Variants in NRXN1 observed in about 807,000 individuals in gnomAD.
The protein encoded by NRXN1 is neurexin-1.
Under a neutral mutation model 150.9 loss-of-function variants are expected in NRXN1, and 39 were observed. That is an observed-to-expected ratio of 0.26 (90% confidence interval 0.20 to 0.34). The LOEUF (loss-of-function observed/expected upper bound fraction) is 0.34, where lower values mean the gene tolerates loss of function less well. NRXN1 is among the 10% of genes least tolerant of loss of function. NRXN1 has a pLI of 1.00. For synonymous variants in NRXN1, 924 were observed against 757.0 expected (o/e 1.22, Z -3.62); for missense variants, 1,815 against 1,949.9 (o/e 0.93, Z 1.30).
chr2:50,103,310 G>C (rs1701208427), intron 18 of NRXN1, among the ~76,000 whole-genome samples: 1 of 151,972 alleles, frequency 6.6e-6, no homozygotes, highest in African/African-American at 2.4e-5. Context: ...TTTATCTCAA[G>C]ATGTAGTAAA....
intron 19 of NRXN1, among the ~76,000 whole-genome samples, chr2:50,070,767 C>T: frequency 1.7e-5 from 1 of 60,336 alleles, no homozygotes; most frequent in East Asian, 4.3e-4. Flanking sequence ...GAGACTCCGT[C>T]TCAAAAAAAA....
intron 5 of NRXN1, among the ~76,000 whole-genome samples, chr2:50,845,961 C>T: frequency 6.6e-6 from 1 of 152,182 alleles, no homozygotes; most frequent in Middle Eastern, 3.2e-3. Context: ...TTGCAATCAA[C>T]TGCTAATAGC....
chr2:50,977,389 A>G (rs1295874799), intron 2 of NRXN1, among the ~76,000 whole-genome samples: 2 of 151,888 alleles, frequency 1.3e-5, no homozygotes, highest in African/African-American at 4.8e-5. Context: ...ATAATTTTAC[A>G]TATGACTGGC....
Position 50,236,803 on chromosome 2 carries a change from G to A in NRXN1, c.3532C>T (p.Leu1178=). The A allele has an allele frequency of 6.2e-7, 1 of 1,613,002 alleles. No individual in the cohort carries two copies. The highest frequency in any genetic ancestry group is 8.5e-7 in the Non-Finnish European group (1 of 1,179,464). The change falls in exon 18 of 23, where the codon CTA becomes TTA. Residue 1178 remains leucine (L), a synonymous_variant. Transcript: ENST00000401669. ...VDSSSGLGDY[L]ELHIHQGKIG... ...AAAGTACTTACTATATGCAGTTCTAGGTAGTCACCCAAGCCTGAAGAACTG... is the reference window on the plus strand; with the variant it reads ...AAAGTACTTACTATATGCAGTTCTAAGTAGTCACCCAAGCCTGAAGAACTG...
chr2:50,183,973 G>T (rs1358321300), intron 18 of NRXN1, among the ~76,000 whole-genome samples: 1 of 151,846 alleles, frequency 6.6e-6, no homozygotes, highest in Non-Finnish European at 1.5e-5. Context: ...AAGTACATTC[G>T]CACTGATGTA....
chr2:51,017,004 A>G (rs1668764051), intron 2 of NRXN1, among the ~76,000 whole-genome samples: 1 of 152,080 alleles, frequency 6.6e-6, no homozygotes, highest in Admixed American at 6.5e-5. Context: ...TAACACAGGA[A>G]CAGAAAACCA....
intron 2 of NRXN1, among the ~76,000 whole-genome samples, chr2:50,926,254 C>T (rs1233073577): frequency 6.6e-6 from 1 of 151,890 alleles, no homozygotes; most frequent in Non-Finnish European, 1.5e-5. Flanking sequence ...TTACATGTTG[C>T]TGGTGTGGTC....
chr2:50,860,376 G>A (rs992335887), intron 5 of NRXN1, among the ~76,000 whole-genome samples: 2 of 152,028 alleles, frequency 1.3e-5, no homozygotes, highest in Admixed American at 1.3e-4. Flanking sequence ...ATAGAAATCA[G>A]AGATTATATA....
At chr2:49,951,123 A>G (rs1422312420) in intron 21 of NRXN1, among the ~76,000 whole-genome samples, 4 of 151,918 alleles carry the variant, frequency 2.6e-5, no homozygotes, top group African/African-American at 9.7e-5. Flanking sequence ...TACATTTGAT[A>G]CTGGTTCTCC....
chr2:50,216,098 G>A (rs543281267), intron 18 of NRXN1, among the ~76,000 whole-genome samples: 25 of 152,146 alleles, frequency 1.6e-4, no homozygotes, highest in Admixed American at 9.2e-4. Flanking sequence ...GCTCATGTCT[G>A]TAATCCTAAC....
At chr2:50,838,320 G>C (rs1431455707) in intron 5 of NRXN1, among the ~76,000 whole-genome samples, 2 of 152,116 alleles carry the variant, frequency 1.3e-5, no homozygotes, top group Non-Finnish European at 2.9e-5. Context: ...AAAAAATTGA[G>C]AGAACAGAGA....
At chr2:50,810,447 A>G (rs1409275132) in intron 5 of NRXN1, among the ~76,000 whole-genome samples, 1 of 152,174 alleles carries the variant, frequency 6.6e-6, no homozygotes, top group African/African-American at 2.4e-5. Context: ...TCTTTTAAAG[A>G]GCCAACACCT....
intron 5 of NRXN1, chr2:50,916,770 G>A (rs1685268075): frequency 1.3e-5 from 2 of 151,574 alleles, no homozygotes; most frequent in Non-Finnish European, 3.0e-5. Context: ...ATTGTTTAAG[G>A]AATGTATAAT....
At position 50,322,322 on chromosome 2, in the gene NRXN1, G is replaced by C. The variant is rs558655301; in HGVS notation, c.3365-85352C>G. Among the ~76,000 whole-genome samples, 15 of 152,312 alleles carry C rather than the reference G, an allele frequency of 9.8e-5. No homozygotes were observed. In the East Asian group the frequency reaches 2.3e-3, roughly 24 times the overall value. On this transcript the variant is annotated intron_variant, in intron 17 of 22. Coordinates refer to ENST00000401669, the MANE Select transcript of NRXN1 (RefSeq NM_001330078.2). ...AATACTTCGTGATTGGAAGAGTGCT[G>C]TTGTGGGGTATGAGCAAGCTGGTTG...
intron 2 of NRXN1, among the ~76,000 whole-genome samples, chr2:51,019,153 T>A (rs1669200154): frequency 6.6e-6 from 1 of 152,034 alleles, no homozygotes; most frequent in Non-Finnish European, 1.5e-5. Flanking sequence ...ATATACAAGT[T>A]GTGTCATACA....
chr2:50,928,000 C>A (rs114875763), intron 2 of NRXN1, among the ~76,000 whole-genome samples: 1 of 151,928 alleles, frequency 6.6e-6, no homozygotes, highest in Non-Finnish European at 1.5e-5. Flanking sequence ...TCAGTCCTGA[C>A]GGCAAGTTCT....
Position 50,668,226 on chromosome 2 carries a change from T to C in NRXN1, c.833-44611A>G, listed in dbSNP as rs193083312. ...TTCACAGATCATACACTATATGATA[T>C]GTGGGACAATAAAATAAAATAGTGA... On this transcript the variant is annotated intron_variant, in intron 5 of 22. Coordinates refer to ENST00000401669, the MANE Select transcript of NRXN1 (RefSeq NM_001330078.2). Among the ~76,000 whole-genome samples the C allele has an allele frequency of 2.1e-4, 32 of 152,102 alleles. No homozygotes were observed. In the East Asian group the frequency reaches 5.3e-3, roughly 25 times the overall value.
intron 8 of NRXN1, among the ~76,000 whole-genome samples, chr2:50,592,670 C>G (rs1312371312): frequency 6.6e-6 from 1 of 152,164 alleles, no homozygotes; most frequent in Non-Finnish European, 1.5e-5. Flanking sequence ...AGGGCTTAGA[C>G]TTTGTTGATT....
chr2:50,012,919 T>C (rs1485727080), intron 21 of NRXN1, among the ~76,000 whole-genome samples: 1 of 152,130 alleles, frequency 6.6e-6, no homozygotes, highest in Non-Finnish European at 1.5e-5. Context: ...CTTCAATGCT[T>C]GTGGCTGTGT....
Sources: allele counts gnomAD v4.1 joint callset (sites outside exome capture counted in the v4.1 genomes callset), GRCh38; gene constraint gnomAD v4.1.1; transcripts MANE v1.5; gene names NCBI Gene and HGNC (gene_info 2026-07-23, HGNC 2026-07-21).